KDM3B: variants seen among roughly 807,000 people sequenced by gnomAD.
KDM3B encodes the protein lysine-specific demethylase 3B.
Under a neutral mutation model 170.0 loss-of-function variants are expected in KDM3B, and 10 were observed. The ratio of observed to expected loss-of-function variants is 0.06; its 90% CI spans 0.04 to 0.10. The LOEUF (loss-of-function observed/expected upper bound fraction) is 0.10. KDM3B is among the 10% of genes least tolerant of loss of function. The pLI, the probability that KDM3B is intolerant of heterozygous loss-of-function variation, is 1.00. For missense variants in KDM3B, 1,394 were observed against 2,195.2 expected (o/e 0.64, Z 7.29); for synonymous variants, 831 against 834.8 (o/e 1.00, Z 0.08).
intron 5 of KDM3B, among the ~76,000 whole-genome samples, chr5:138,380,816 G>A (rs927213479): frequency 2.0e-5 from 3 of 151,268 alleles, no homozygotes; most frequent in South Asian, 2.1e-4. Flanking sequence ...TCCTGCCTCA[G>A]CCTCCCAAAG....
intron 11 of KDM3B, among the ~76,000 whole-genome samples, chr5:138,401,054 CA>C (rs1762679705): frequency 6.6e-6 from 1 of 152,144 alleles, no homozygotes; most frequent in East Asian, 1.9e-4. Flanking sequence ...GGGCAGATCA[CA>C]AGGTCAGGAG....
At chr5:138,396,087 G>A (rs1188505225) in intron 9 of KDM3B, among the ~76,000 whole-genome samples, 1 of 151,770 alleles carries the variant, frequency 6.6e-6, no homozygotes, top group African/African-American at 2.4e-5. Flanking sequence ...AGGAACCTAT[G>A]GCAATGAGTA....
At chr5:138,385,956 C>G (rs938564850) in intron 6 of KDM3B, 66 bp from the exon 7 acceptor site, 1 of 1,518,418 alleles carries the variant, frequency 6.6e-7, no homozygotes, top group Non-Finnish European at 8.8e-7. Flanking sequence ...TGGGAAAGAG[C>G]TAATGGTGTG....
chr5:138,381,849 T>C, intron 6 of KDM3B: 1 of 404,104 alleles, frequency 2.5e-6, no homozygotes. Context: ...TCTTCCTATA[T>C]TCTGTCAGGA....
In KDM3B at chr5:138,435,689, G is replaced by T. The variant is rs1253659471; in HGVS notation, c.5275G>T (p.Ala1759Ser). The T allele has an allele frequency of 3.7e-6, 6 of 1,613,014 alleles. No homozygotes were observed. In the East Asian group the frequency reaches 1.1e-4, roughly 30 times the overall value. The change falls in exon 24 of 24, where the codon GCA becomes TCA. Residue 1759 changes from alanine to serine, a missense_variant. This residue lies in a region of KDM3B where 79 missense variants were observed against 270.5 expected (regional missense o/e 0.29). Transcript: ENST00000314358. ...CCTCAAGGCTCATGAATCCAAACTG[G>T]CAAGGTCCTAGGCATGGAGAAACTC... ...GTLKAHESKL[A>S]RS is the part of the protein sequence containing the mutation.
At chr5:138,430,893 A>G (rs1445243253) in intron 22 of KDM3B, among the ~76,000 whole-genome samples, 1 of 152,192 alleles carries the variant, frequency 6.6e-6, no homozygotes, top group African/African-American at 2.4e-5. Context: ...TCAGTCTCAA[A>G]AAAAAAAAAT....
chr5:138,428,049 T>C lies in KDM3B; in HGVS notation c.4716T>C (p.Tyr1572=), dbSNP rs909662243. The C allele has an allele frequency of 2.0e-5, 33 of 1,613,668 alleles. No individual in the cohort carries two copies. The highest frequency in any genetic ancestry group is 1.6e-4 in the Middle Eastern group (1 of 6,082). The change falls in exon 20 of 24, where the codon TAT becomes TAC. Residue 1572 remains tyrosine, a synonymous_variant. Transcript: ENST00000314358. ...CTGATGCTGTTAATGTGATGGTGTA[T>C]GTTGGGATTCCCATCGGGGAGGGTG... ...DVSDAVNVMV[Y]VGIPIGEGAH...
intron 23 of KDM3B, among the ~76,000 whole-genome samples, chr5:138,433,637 G>A (rs147113913): frequency 1.3e-5 from 2 of 151,822 alleles, no homozygotes; most frequent in African/African-American, 4.8e-5. Flanking sequence ...TCGAACTCCC[G>A]ACCTCAGGTG....
chr5:138,370,895 G>A (rs1458232173), intron 1 of KDM3B, among the ~76,000 whole-genome samples: 3 of 151,642 alleles, frequency 2.0e-5, no homozygotes, highest in Middle Eastern at 3.4e-3. Context: ...TGCAACCTCC[G>A]CCTCCTGGGT....
chr5:138,426,877 A>G (rs1763410473), intron 17 of KDM3B, 98 bp from the exon 18 acceptor site: 21 of 728,944 alleles, frequency 2.9e-5, no homozygotes, highest in South Asian at 1.8e-4. Flanking sequence ...AAAAAAAAAA[A>G]AAAGAAAAAA....
chr5:138,431,613 C>T, intron 23 of KDM3B, 54 bp downstream of exon 23: 1 of 1,419,254 alleles, frequency 7.0e-7, no homozygotes, highest in Non-Finnish European at 9.4e-7. Flanking sequence ...TACTCACATA[C>T]ATTACGCAGA....
chr5:138,407,578 C>G (rs577101356), intron 11 of KDM3B, among the ~76,000 whole-genome samples: 2 of 152,190 alleles, frequency 1.3e-5, no homozygotes, highest in African/African-American at 2.4e-5. Flanking sequence ...GACAACGTAG[C>G]TGCTTCATAC....
chr5:138,359,225 G>A (rs529458433), intron 1 of KDM3B, among the ~76,000 whole-genome samples: 5 of 151,370 alleles, frequency 3.3e-5, no homozygotes, highest in Non-Finnish European at 7.4e-5. Flanking sequence ...GCAGTGGTGC[G>A]GTCTTGGCTC....
chr5:138,428,731 AC>A (rs144792642), intron 20 of KDM3B, among the ~76,000 whole-genome samples: 3 of 152,254 alleles, frequency 2.0e-5, no homozygotes, highest in African/African-American at 7.2e-5. Context: ...TTCTGACCTG[AC>A]CTATCAGCCA....
At chr5:138,393,099 C>A in intron 8 of KDM3B, 72 bp from the exon 9 acceptor site, 1 of 1,414,216 alleles carries the variant, frequency 7.1e-7, no homozygotes, top group Non-Finnish European at 1.0e-6. Flanking sequence ...AATGTCTGTC[C>A]CCAAAAGAAT....
At chr5:138,353,636 GT>G (rs1478791995) in intron 1 of KDM3B, among the ~76,000 whole-genome samples, 1 of 152,122 alleles carries the variant, frequency 6.6e-6, no homozygotes, top group Non-Finnish European at 1.5e-5. Flanking sequence ...GGCTGTTTTT[GT>G]TAAGTTTGAG....
chr5:138,410,750 G>A (rs1382183115), intron 11 of KDM3B, among the ~76,000 whole-genome samples: 3 of 150,844 alleles, frequency 2.0e-5, no homozygotes, highest in Admixed American at 6.6e-5. Flanking sequence ...GTAAGGTCAC[G>A]TGGGTCACAT....
chr5:138,385,274 A>G (rs1762229171), intron 6 of KDM3B, among the ~76,000 whole-genome samples: 2 of 152,062 alleles, frequency 1.3e-5, no homozygotes, highest in Admixed American at 1.3e-4. Flanking sequence ...CACCCACCTC[A>G]GCCTCCCAAA....
In KDM3B at chr5:138,435,846, T is replaced by A; in HGVS notation, c.*146T>A. ...TCCAAACTCTCCAGCCACTCTCTTC[T>A]ACGCTGCCTCAACACTGAAGGTTGA... On this transcript the variant is annotated 3_prime_UTR_variant, in exon 24 of 24. Coordinates refer to ENST00000314358, the MANE Select transcript of KDM3B (RefSeq NM_016604.4). The A allele has an allele frequency of 1.6e-6, 1 of 643,674 alleles. No individual in the cohort carries two copies. Among genetic ancestry groups the A allele is most frequent in the Non-Finnish European group, 2.7e-6 (1 of 363,942 alleles). The allele number at this position is 643,674 out of a possible 1,614,324, so 39.9% of individuals were successfully genotyped here. A position where few individuals can be genotyped will look rare whatever the true frequency, so the allele number is the denominator to read the frequency against.
Sources: allele counts gnomAD v4.1 joint callset (sites outside exome capture counted in the v4.1 genomes callset), GRCh38; gene constraint gnomAD v4.1.1; regional missense constraint gnomAD v4.1.1; transcripts MANE v1.5; gene names NCBI Gene and HGNC (gene_info 2026-07-23, HGNC 2026-07-21).